FBXO21: variants seen among roughly 807,000 people sequenced by gnomAD.
FBXO21 encodes F-box protein 21.
Under a neutral mutation model 76.6 loss-of-function variants are expected in FBXO21, and 32 were observed. The observed-to-expected ratio is 0.42, with a 90% confidence interval of 0.32 to 0.56. The LOEUF (loss-of-function observed/expected upper bound fraction) is 0.56, where lower values mean the gene tolerates loss of function less well. Among genes scored for constraint, FBXO21 ranks in the 20% least tolerant of loss-of-function variants. The probability of loss-of-function intolerance (pLI) is 0.16; values close to 1 mark genes in which losing one functional copy is unlikely to be tolerated. For synonymous variants in FBXO21, 328 were observed against 311.5 expected, an observed-to-expected ratio of 1.05 and a Z score of -0.56; for missense variants, 586 against 797.3, an observed-to-expected ratio of 0.73 and a Z score of 3.19.
chr12:117,154,153 A>G (rs985672635), intron 11 of FBXO21: 2 of 152,242 alleles, frequency 1.3e-5, no homozygotes, highest in Admixed American at 6.5e-5. Context: ...TCAGTCAATA[A>G]TGTCCAAATC....
In FBXO21 at chr12:117,174,693, G is replaced by C; in HGVS notation, c.697C>G (p.Arg233Gly). 6.2e-7 allele frequency: 1 copy of C among 1,614,130 alleles called. No individual in the cohort carries two copies. The highest frequency in any genetic ancestry group is 8.5e-7 in the Non-Finnish European group (1 of 1,180,024). Residue 233 changes from arginine to glycine, a missense_variant, in exon 5 of 12, where the codon CGG (arginine) becomes GGG (glycine). This residue lies in a region of FBXO21 where 246 missense variants were observed against 356.8 expected (regional missense o/e 0.69). Coordinates refer to ENST00000622495, the MANE Select transcript of FBXO21 (RefSeq NM_015002.3). ...SIVELVCKTLRGINSRHPSLA... is the reference protein window; with the variant it reads ...SIVELVCKTLGGINSRHPSLA... Reference sequence around the variant, plus strand: ...CTGGGGTGGCGACTGTTTATGCCCCGAAGGGTTTTGCAAACAAGCTCCACG... The same window carrying C: ...CTGGGGTGGCGACTGTTTATGCCCCCAAGGGTTTTGCAAACAAGCTCCACG...
intron 11 of FBXO21, among the ~76,000 whole-genome samples, chr12:117,153,748 G>A (rs952505386): frequency 6.6e-6 from 1 of 152,244 alleles, no homozygotes; most frequent in Admixed American, 6.5e-5. Context: ...CTCTCATAGT[G>A]TAGGAACAGC....
At chr12:117,151,678 G>A (rs1955844073) in intron 11 of FBXO21, among the ~76,000 whole-genome samples, 1 of 152,006 alleles carries the variant, frequency 6.6e-6, no homozygotes, top group Admixed American at 6.6e-5. Flanking sequence ...TGTCCCACGT[G>A]ATTATAACAC....
In FBXO21 at chr12:117,143,189, C is replaced by T. The variant is rs1421826286; in HGVS notation, c.*2898G>A. 1 of 152,148 alleles carries T rather than the reference C, an allele frequency of 6.6e-6. No homozygotes were observed. The highest frequency in any genetic ancestry group is 1.5e-5 in the Non-Finnish European group (1 of 68,026). 9.4% of individuals were successfully genotyped at this position (152,148 alleles called of 1,614,324 possible). On this transcript the variant is annotated 3_prime_UTR_variant, in exon 12 of 12. Transcript: ENST00000622495. ...GCTTTTCAAAGCATGTCTGCAAACA[C>T]CGGACCCCCGGGGACGGTGCGTGCG...
rs150181425 is a variant in FBXO21 at position 117,157,995 on chromosome 12, C to T, written c.1395G>A (p.Val465=). 158 of 1,614,092 alleles carry T rather than the reference C, an allele frequency of 9.8e-5. No homozygotes were observed. Among genetic ancestry groups the T allele is most frequent in the Non-Finnish European group, 1.2e-4 (143 of 1,180,046 alleles). ...PGQHGAVGYL[V]QHTLEHIERK... Reference sequence around the variant, plus strand: ...GCTCAATGTGCTCTAGAGTGTGCTGCACCAGGTAGCCCACCGCCCCGTGCT... The same window carrying T: ...GCTCAATGTGCTCTAGAGTGTGCTGTACCAGGTAGCCCACCGCCCCGTGCT... Residue 465 remains valine (V), a synonymous_variant, in exon 10 of 12, where the codon GTG becomes GTA. Coordinates refer to ENST00000622495, the MANE Select transcript of FBXO21 (RefSeq NM_015002.3).
intron 9 of FBXO21, among the ~76,000 whole-genome samples, chr12:117,163,013 G>C (rs1265206269): frequency 2.6e-5 from 4 of 152,298 alleles, no homozygotes; most frequent in Non-Finnish European, 5.9e-5. Context: ...GGGAGTCCCA[G>C]AGTTTTCCTT....
At position 117,181,773 on chromosome 12, in the gene FBXO21, T is replaced by C. The variant is rs375995988; in HGVS notation, c.471-4132A>G. On this transcript the variant is annotated intron_variant, in intron 3 of 11. Transcript: ENST00000622495. Reference sequence around the variant, plus strand: ...CAAGCGATTCTCTTGTTTCAGCCTCTTGAGTAGCTGGGATTACAGGTGCCT... The same window carrying C: ...CAAGCGATTCTCTTGTTTCAGCCTCCTGAGTAGCTGGGATTACAGGTGCCT... 1.2e-3 allele frequency among the ~76,000 whole-genome samples: 189 copies of C among 152,180 alleles called. 2 individuals are homozygous for C. The East Asian group carries it at 0.024, about 19-fold the overall frequency.
intron 11 of FBXO21, 158 bp downstream of exon 11, chr12:117,155,633 C>T (rs1377657763): frequency 1.6e-5 from 13 of 824,506 alleles, no homozygotes; most frequent in Non-Finnish European, 2.5e-5. Context: ...GACCCAGCCA[C>T]GTTTAGCTGA....
intron 9 of FBXO21, among the ~76,000 whole-genome samples, chr12:117,164,250 G>A (rs1052012357): frequency 1.3e-5 from 2 of 151,256 alleles, no homozygotes; most frequent in African/African-American, 4.9e-5. Flanking sequence ...TTCTATGTGG[G>A]CTACAGATGA....
At chr12:117,189,411 G>C in intron 1 of FBXO21, 49 bp from the exon 2 acceptor site, 1 of 1,610,200 alleles carries the variant, frequency 6.2e-7, no homozygotes, top group Non-Finnish European at 8.5e-7. Flanking sequence ...TCAAAGGCAG[G>C]CGGCCACGAA....
rs761025781 is a variant in FBXO21 at position 117,142,673 on chromosome 12, C to CAAAA, written c.*3410_*3413dup. 3.5e-4 allele frequency: 35 copies of CAAAA among 100,670 alleles called. No homozygotes were observed. Among genetic ancestry groups the CAAAA allele is most frequent in the African/African-American group, 1.2e-3 (30 of 26,048 alleles). 6.2% of individuals were successfully genotyped at this position (100,670 alleles called of 1,614,324 possible). On this transcript the variant is annotated 3_prime_UTR_variant, in exon 12 of 12. Transcript: ENST00000622495. Reference sequence around the variant, plus strand: ...TCCAGTTGATGTCTCTCCTTCCCTCCAAAAAAAAAAAAAAAAAAAAAAGAC... The same window carrying CAAAA: ...TCCAGTTGATGTCTCTCCTTCCCTCCAAAAAAAAAAAAAAAAAAAAAAAAAAGAC...
intron 11 of FBXO21, among the ~76,000 whole-genome samples, chr12:117,153,703 A>G (rs11068372): frequency 0.18 from 28,035 of 152,274 alleles, 3,213 homozygotes; most frequent in East Asian, 0.41. Flanking sequence ...GCTTGCTGAC[A>G]CAGCGCTGAT....
chr12:117,168,408 C>T (rs1340357727), intron 7 of FBXO21, among the ~76,000 whole-genome samples: 1 of 152,034 alleles, frequency 6.6e-6, no homozygotes, highest in Non-Finnish European at 1.5e-5. Context: ...CCTGAAATCC[C>T]AGCTACTCGG....
intron 6 of FBXO21, 78 bp downstream of exon 6, chr12:117,174,127 A>C: frequency 8.4e-7 from 1 of 1,185,678 alleles, no homozygotes; most frequent in South Asian, 1.3e-5. Context: ...ACAGAGCGAG[A>C]CCCTGTCTCT....
intron 7 of FBXO21, among the ~76,000 whole-genome samples, chr12:117,170,709 A>G (rs1302344314): frequency 6.6e-6 from 1 of 152,204 alleles, no homozygotes; most frequent in Admixed American, 6.5e-5. Flanking sequence ...TGTCTGCTGT[A>G]GCACACGAAG....
rs777154679 is a variant in FBXO21, at chr12:117,190,276, G to A, written c.181C>T (p.Arg61Trp). The change falls in exon 1 of 12, where the codon CGG becomes TGG. Residue 61 changes from arginine to tryptophan, a missense_variant. Transcript: ENST00000622495. ...DIGRVSSTCR[R>W]LRELCQSSGK... is the part of the protein sequence containing the mutation. ...CTGCTCTGGCACAGCTCGCGCAGCCGCCGGCAGGTGCTGGAGACACGGCCG... is the reference window on the plus strand; with the variant it reads ...CTGCTCTGGCACAGCTCGCGCAGCCACCGGCAGGTGCTGGAGACACGGCCG... The A allele has an allele frequency of 1.6e-5, 25 of 1,538,696 alleles. No individual in the cohort carries two copies. Among genetic ancestry groups the A allele is most frequent in the Middle Eastern group, 2.2e-4 (1 of 4,644 alleles).
intron 10 of FBXO21, among the ~76,000 whole-genome samples, chr12:117,157,501 G>C (rs1955929940): frequency 6.6e-6 from 1 of 152,130 alleles, no homozygotes; most frequent in South Asian, 2.1e-4. Context: ...GTGCCTATCG[G>C]ATTTGAAGAG....
chr12:117,151,234 G>A (rs1002128784), intron 11 of FBXO21, among the ~76,000 whole-genome samples: 3 of 152,054 alleles, frequency 2.0e-5, no homozygotes, highest in East Asian at 1.9e-4. Context: ...AGAAGGAGGC[G>A]GGACAGGAGC....
Position 117,189,485 on chromosome 12 carries a change from A to G in FBXO21, c.240-123T>C, listed in dbSNP as rs79479503. The G allele has an allele frequency of 2.3e-3, 2,230 of 986,436 alleles. 23 individuals carry two copies. The African/African-American group carries it at 0.031, about 14-fold the overall frequency. The allele number at this position is 986,436 out of a possible 1,614,324, so 61.1% of individuals were successfully genotyped here. A position where few individuals can be genotyped will look rare whatever the true frequency, so the allele number is the denominator to read the frequency against. ...CAGTGGTAAGAGGGACCCCGGCGAG[A>G]GACCTAGTTCAAAACCCCACCAGCA... On this transcript the variant is annotated intron_variant, in intron 1 of 11. Coordinates refer to ENST00000622495, the MANE Select transcript of FBXO21 (RefSeq NM_015002.3).
Sources: gnomAD v4.1 joint callset for allele counts (sites outside exome capture counted in the v4.1 genomes callset) on GRCh38, gnomAD v4.1.1 for gene constraint, gnomAD v4.1.1 regional missense constraint, MANE v1.5 for transcripts, NCBI Gene and HGNC (gene_info 2026-07-23, HGNC 2026-07-21) for gene names.